Variants in CSNK2A2IP observed in about 807,000 individuals in gnomAD.
CSNK2A2IP encodes casein kinase II subunit alpha'-interacting protein.
chr3:88,357,445 G>A, the CSNK2A2IP span, among the ~76,000 whole-genome samples: 1 of 152,026 alleles, frequency 6.6e-6, no homozygotes, highest in East Asian at 1.9e-4. Context: ...TTTTGTGTCT[G>A]CTTTTGTGCC....
chr3:88,375,023 G>A, the CSNK2A2IP span, among the ~76,000 whole-genome samples: 6 of 151,570 alleles, frequency 4.0e-5, no homozygotes, highest in Non-Finnish European at 5.9e-5. Context: ...TAAAATTACC[G>A]GCAAGAAAGA....
At chr3:88,368,535 C>T in the CSNK2A2IP span, among the ~76,000 whole-genome samples, 1 of 151,836 alleles carries the variant, frequency 6.6e-6, no homozygotes, top group Non-Finnish European at 1.5e-5. Flanking sequence ...AAATCAGAAA[C>T]AAGTTTGGCA....
the CSNK2A2IP span, among the ~76,000 whole-genome samples, chr3:88,364,177 T>C: frequency 6.6e-6 from 1 of 152,064 alleles, no homozygotes; most frequent in Non-Finnish European, 1.5e-5. Flanking sequence ...TAAAATCAAG[T>C]GTAAATTTCA....
At chr3:88,418,535 T>C in the CSNK2A2IP span, among the ~76,000 whole-genome samples, 4 of 152,124 alleles carry the variant, frequency 2.6e-5, no homozygotes, top group Admixed American at 1.3e-4. Context: ...TAGCCTGGCA[T>C]AAAATCATAT....
At chr3:88,440,286 T>G in the CSNK2A2IP span, among the ~76,000 whole-genome samples, 1 of 152,352 alleles carries the variant, frequency 6.6e-6, no homozygotes, top group Admixed American at 6.5e-5. Context: ...TAGAACTATT[T>G]TTTGGAGTTG....
the CSNK2A2IP span, among the ~76,000 whole-genome samples, chr3:88,463,507 T>C: frequency 6.6e-6 from 1 of 152,154 alleles, no homozygotes; most frequent in Admixed American, 6.6e-5. Context: ...TAACAGACAC[T>C]TCTCAAAAGA....
the CSNK2A2IP span, among the ~76,000 whole-genome samples, chr3:88,400,388 G>T: frequency 9.2e-5 from 14 of 152,222 alleles, no homozygotes; most frequent in Non-Finnish European, 1.9e-4. Flanking sequence ...ACAGGAGAAA[G>T]GGGTGGTAGG....
the CSNK2A2IP span, chr3:88,466,962 C>A: frequency 8.1e-7 from 1 of 1,231,196 alleles, no homozygotes; most frequent in Non-Finnish European, 1.0e-6. Context: ...GTCTCCCATT[C>A]CCTATGAAAG....
chr3:88,456,794 T>C, the CSNK2A2IP span, among the ~76,000 whole-genome samples: 1 of 152,138 alleles, frequency 6.6e-6, no homozygotes, highest in African/African-American at 2.4e-5. Context: ...CCCAACTGTG[T>C]ATTTTGTTCC....
At chr3:88,394,019 G>A in the CSNK2A2IP span, among the ~76,000 whole-genome samples, 1 of 152,182 alleles carries the variant, frequency 6.6e-6, no homozygotes, top group African/African-American at 2.4e-5. Flanking sequence ...GAGGGGCAAT[G>A]TGTGGCCTTT....
chr3:88,386,128 T>C, the CSNK2A2IP span, among the ~76,000 whole-genome samples: 1 of 152,278 alleles, frequency 6.6e-6, no homozygotes, highest in African/African-American at 2.4e-5. Flanking sequence ...ATGCTATTTT[T>C]TTTTTCTTTT....
At chr3:88,342,024 A>G in the CSNK2A2IP span, among the ~76,000 whole-genome samples, 1 of 152,034 alleles carries the variant, frequency 6.6e-6, no homozygotes, top group Non-Finnish European at 1.5e-5. Flanking sequence ...ATATACTAGT[A>G]TAAATTTTTT....
the CSNK2A2IP span, among the ~76,000 whole-genome samples, chr3:88,413,854 A>C: frequency 6.6e-6 from 1 of 152,178 alleles, no homozygotes; most frequent in South Asian, 2.1e-4. Context: ...TGCAACCTAC[A>C]TGAAAAATGG....
chr3:88,414,860 G>A, the CSNK2A2IP span, among the ~76,000 whole-genome samples: 7 of 151,854 alleles, frequency 4.6e-5, no homozygotes, highest in Admixed American at 1.3e-4. Flanking sequence ...TAGGAAAGAC[G>A]AGCATAGAGT....
At chr3:88,393,711 G>A in the CSNK2A2IP span, among the ~76,000 whole-genome samples, 1 of 152,216 alleles carries the variant, frequency 6.6e-6, no homozygotes, top group Admixed American at 6.5e-5. Context: ...AGACAAGTGT[G>A]TAGTTAAAAT....
At chr3:88,414,455 G>A in the CSNK2A2IP span, among the ~76,000 whole-genome samples, 1 of 151,202 alleles carries the variant, frequency 6.6e-6, no homozygotes, top group Non-Finnish European at 1.5e-5. Context: ...GCTAATTTTA[G>A]TAATTTTAGT....
chr3:88,466,944 C>G, the CSNK2A2IP span: 3 of 1,231,336 alleles, frequency 2.4e-6, no homozygotes, highest in Admixed American at 4.2e-5. Context: ...CAGAGACTTT[C>G]TCATCTTGTC....
the CSNK2A2IP span, among the ~76,000 whole-genome samples, chr3:88,395,321 T>C: frequency 6.6e-6 from 1 of 152,234 alleles, no homozygotes; most frequent in Non-Finnish European, 1.5e-5. Flanking sequence ...CACTTAATTC[T>C]ATGATCCATT....
the CSNK2A2IP span, among the ~76,000 whole-genome samples, chr3:88,460,397 T>G: frequency 1.3e-5 from 2 of 152,208 alleles, no homozygotes; most frequent in South Asian, 4.1e-4. Context: ...ATTATTCCTC[T>G]TTATATGATA....
Sources: gnomAD v4.1 joint callset for allele counts (sites outside exome capture counted in the v4.1 genomes callset) on GRCh38, gnomAD v4.1.1 for gene constraint, MANE v1.5 for transcripts, NCBI Gene and HGNC (gene_info 2026-07-23, HGNC 2026-07-21) for gene names.